The following PPP2R3A variants were observed in gnomAD, a reference collection of about 807,000 sequenced individuals.
The protein encoded by PPP2R3A is serine/threonine-protein phosphatase 2A regulatory subunit B'' subunit alpha.
In PPP2R3A, 80 loss-of-function variants were observed where a neutral mutation model predicts 106.9. That is an observed-to-expected ratio of 0.75 (90% CI 0.62 to 0.90). The LOEUF is 0.90. Among genes scored for constraint, PPP2R3A ranks in the 40% least tolerant of loss-of-function variants. The pLI is 0.00. For synonymous variants in PPP2R3A, 483 were observed against 468.3 expected, an observed-to-expected ratio of 1.03 and a Z score of -0.41; for missense variants, 1,386 against 1,350.4, an observed-to-expected ratio of 1.03 and a Z score of -0.41.
intron 10 of PPP2R3A, among the ~76,000 whole-genome samples, chr3:136,095,160 C>G (rs139559010): frequency 6.6e-6 from 1 of 152,016 alleles, no homozygotes; most frequent in Non-Finnish European, 1.5e-5. Context: ...GGGGGGAGGT[C>G]CCCTCAGTTT....
chr3:136,107,431 CTTTTTTTTTTTTTTT>C (rs11324496), intron 13 of PPP2R3A, among the ~76,000 whole-genome samples: 1 of 71,422 alleles, frequency 1.4e-5, no homozygotes, highest in African/African-American at 5.4e-5. Context: ...TACATGAATT[CTTTTTTTTTTTTTTT>C]TTTTTTTTTG....
At chr3:136,055,826 CTA>C in intron 5 of PPP2R3A, 1 of 531,302 alleles carries the variant, frequency 1.9e-6, no homozygotes, top group Non-Finnish European at 3.4e-6. Context: ...AGAAACAAAT[CTA>C]TGCAGAATTG....
intron 2 of PPP2R3A, among the ~76,000 whole-genome samples, chr3:136,024,901 C>T (rs576559253): frequency 7.2e-5 from 11 of 152,092 alleles, no homozygotes; most frequent in Admixed American, 6.6e-4. Context: ...TATTGACTTA[C>T]GGGACTGTGT....
intron 13 of PPP2R3A, among the ~76,000 whole-genome samples, chr3:136,107,481 A>T (rs1443680834): frequency 4.3e-5 from 5 of 115,262 alleles, no homozygotes; most frequent in Non-Finnish European, 4.9e-5. Flanking sequence ...GTGGTCTCTG[A>T]TGTGGTCCAT....
At chr3:136,008,546 C>G (rs947010317) in intron 2 of PPP2R3A, among the ~76,000 whole-genome samples, 6 of 152,152 alleles carry the variant, frequency 3.9e-5, no homozygotes, top group African/African-American at 1.2e-4. Flanking sequence ...ATGTCCCCAC[C>G]TATGTTCACA....
At chr3:136,077,127 GT>G (rs1936624158) in intron 6 of PPP2R3A, among the ~76,000 whole-genome samples, 2 of 152,132 alleles carry the variant, frequency 1.3e-5, no homozygotes, top group African/African-American at 4.8e-5. Flanking sequence ...GCTCTAGTCA[GT>G]CCCTGTCCTG....
chr3:136,035,825 A>C (rs571453728), intron 3 of PPP2R3A, among the ~76,000 whole-genome samples: 170 of 152,230 alleles, frequency 1.1e-3, no homozygotes, highest in African/African-American at 3.8e-3. Context: ...ATGTTTTCCA[A>C]ACTTTAAATT....
At chr3:136,114,600 G>GA (rs1937668897) in intron 13 of PPP2R3A, among the ~76,000 whole-genome samples, 1 of 152,170 alleles carries the variant, frequency 6.6e-6, no homozygotes, top group African/African-American at 2.4e-5. Context: ...TTGATGCAGG[G>GA]AGGGGGGTCC....
Position 136,040,882 on chromosome 3 carries a change from G to T in PPP2R3A, c.2286G>T (p.Trp762Cys). The change falls in exon 4 of 14, where the codon TGG becomes TGT. Residue 762 changes from tryptophan to cysteine, a missense_variant. Trp to Cys is a radical substitution (Grantham distance 215). Transcript: ENST00000264977. ...AGGTCTGTGGCTGTCCTCTCTATTG[G>T]AAAGCCCCCATGTTCAGGGCTGCAG... ...IAKVCGCPLYWKAPMFRAAGG... is the reference protein window; with the variant it reads ...IAKVCGCPLYCKAPMFRAAGG... 1 of 1,613,102 alleles carries T rather than the reference G, an allele frequency of 6.2e-7. No individual in the cohort carries two copies. Among genetic ancestry groups the T allele is most frequent in the Non-Finnish European group, 8.5e-7 (1 of 1,179,632 alleles).
rs548694906 is a variant in PPP2R3A at position 136,058,658 on chromosome 3, T to G, written c.2469+9297T>G. Among the ~76,000 whole-genome samples, 10 of 152,168 alleles carry G rather than the reference T, an allele frequency of 6.6e-5. No homozygotes were observed. The South Asian group carries it at 2.1e-3, about 32-fold the overall frequency. ...TTACAGAAATAGGAAATAGACTACTTTAAAATTAATATGGAACGAAAAAAG... is the reference window on the plus strand; with the variant it reads ...TTACAGAAATAGGAAATAGACTACTGTAAAATTAATATGGAACGAAAAAAG... On this transcript the variant is annotated intron_variant, in intron 5 of 13. Transcript: ENST00000264977.
At chr3:136,066,748 A>G (rs1480985699) in intron 5 of PPP2R3A, among the ~76,000 whole-genome samples, 3 of 152,130 alleles carry the variant, frequency 2.0e-5, no homozygotes, top group Admixed American at 2.0e-4. Flanking sequence ...GACCGCACCA[A>G]GAGGACAATG....
intron 10 of PPP2R3A, among the ~76,000 whole-genome samples, chr3:136,097,334 T>C (rs560569828): frequency 4.1e-4 from 62 of 152,364 alleles, no homozygotes; most frequent in Admixed American, 2.4e-3. Flanking sequence ...GACAAGTAAC[T>C]ATCCACTGAG....
chr3:136,115,846 T>A (rs555557784), intron 13 of PPP2R3A, among the ~76,000 whole-genome samples: 27 of 151,924 alleles, frequency 1.8e-4, no homozygotes, highest in African/African-American at 5.8e-4. Flanking sequence ...AGGAGAACTT[T>A]CCAAACCTAG....
intron 13 of PPP2R3A, among the ~76,000 whole-genome samples, chr3:136,108,224 C>T (rs1333782874): frequency 6.6e-6 from 1 of 152,106 alleles, no homozygotes; most frequent in Admixed American, 6.5e-5. Flanking sequence ...CACACACACA[C>T]ACAGCAAGTG....
At chr3:136,075,301 A>G (rs1206916162) in intron 6 of PPP2R3A, among the ~76,000 whole-genome samples, 1 of 152,170 alleles carries the variant, frequency 6.6e-6, no homozygotes, top group Non-Finnish European at 1.5e-5. Context: ...TTTATTGTAA[A>G]ATTTTATTTG....
Position 136,028,888 on chromosome 3 carries a change from T to A in PPP2R3A, c.2262+1790T>A, listed in dbSNP as rs375860219. On this transcript the variant is annotated intron_variant, in intron 3 of 13. Coordinates refer to ENST00000264977, the MANE Select transcript of PPP2R3A (RefSeq NM_002718.5). ...GTTTTTTGAGACAGAGTTTCACTCTTGTTGCCCAGGCTGGAGTGCAATGGC... is the reference window on the plus strand; with the variant it reads ...GTTTTTTGAGACAGAGTTTCACTCTAGTTGCCCAGGCTGGAGTGCAATGGC... 6.6e-5 allele frequency among the ~76,000 whole-genome samples: 10 copies of A among 152,184 alleles called. No individual in the cohort carries two copies. In the East Asian group the frequency reaches 1.5e-3, roughly 23 times the overall value.
chr3:136,128,214 C>T (rs2108012005), intron 13 of PPP2R3A, among the ~76,000 whole-genome samples: 1 of 152,142 alleles, frequency 6.6e-6, no homozygotes, highest in Non-Finnish European at 1.5e-5. Flanking sequence ...AAGACACAGA[C>T]TGGCAAATTG....
chr3:136,140,023 AG>A (rs1248842126), intron 13 of PPP2R3A, among the ~76,000 whole-genome samples: 3 of 151,300 alleles, frequency 2.0e-5, no homozygotes, highest in Admixed American at 6.6e-5. Context: ...AAAAAAAAAA[AG>A]AATATGTTCT....
chr3:136,057,722 A>C (rs977610719), intron 5 of PPP2R3A, among the ~76,000 whole-genome samples: 1 of 152,198 alleles, frequency 6.6e-6, no homozygotes, highest in African/African-American at 2.4e-5. Flanking sequence ...ACTATCAGAG[A>C]AAAGCAAATT....
Sources: gnomAD v4.1 joint callset for allele counts (sites outside exome capture counted in the v4.1 genomes callset) on GRCh38, gnomAD v4.1.1 for gene constraint, MANE v1.5 for transcripts, NCBI Gene and HGNC (gene_info 2026-07-23, HGNC 2026-07-21) for gene names.